The following URI1 variants were observed in gnomAD, a reference collection of about 807,000 sequenced individuals.
URI1 encodes URI1 prefoldin like chaperone, also known as unconventional prefoldin RPB5 interactor 1.
Under a neutral mutation model 60.2 loss-of-function variants are expected in URI1, and 39 were observed. The observed-to-expected ratio is 0.65, with a 90% CI of 0.50 to 0.85. URI1 has a LOEUF of 0.85. Among genes scored for constraint, URI1 ranks in the 40% least tolerant of loss-of-function variants. The pLI is 0.00. For synonymous variants in URI1, 251 were observed against 236.8 expected, an observed-to-expected ratio of 1.06 and a Z score of -0.55; for missense variants, 691 against 665.9, an observed-to-expected ratio of 1.04 and a Z score of -0.42.
intron 4 of URI1, chr19:30,004,676 A>G (rs769252523): frequency 5.9e-5 from 9 of 152,038 alleles, no homozygotes; most frequent in Non-Finnish European, 1.2e-4. Context: ...TATTTTTTAG[A>G]TGGTGCCATT....
chr19:29,968,508 A>G (rs535252174), intron 1 of URI1, among the ~76,000 whole-genome samples: 1 of 146,688 alleles, frequency 6.8e-6, no homozygotes, highest in South Asian at 2.2e-4. Flanking sequence ...AGGGAAAAAT[A>G]TTTGTTTTTA....
At chr19:29,984,575 G>A (rs571665264) in intron 2 of URI1, among the ~76,000 whole-genome samples, 118 of 152,208 alleles carry the variant, frequency 7.8e-4, no homozygotes, top group African/African-American at 2.8e-3. Context: ...CAAAATTTGA[G>A]TATTCTGCTT....
chr19:30,007,870 T>G (rs2055965161), intron 7 of URI1, among the ~76,000 whole-genome samples: 1 of 152,132 alleles, frequency 6.6e-6, no homozygotes, highest in South Asian at 2.1e-4. Context: ...CTTAAATACT[T>G]AAGATCAACA....
At chr19:29,981,191 T>C (rs376560737) in intron 2 of URI1, among the ~76,000 whole-genome samples, 1 of 152,108 alleles carries the variant, frequency 6.6e-6, no homozygotes, top group East Asian at 1.9e-4. Flanking sequence ...TTTAAAAATA[T>C]TCTATTATGA....
chr19:30,012,583 T>C, intron 10 of URI1, 52 bp downstream of exon 10: 1 of 1,564,950 alleles, frequency 6.4e-7, no homozygotes, highest in East Asian at 2.3e-5. Flanking sequence ...CTTTGACCAG[T>C]TTTAGCTATT....
At chr19:29,948,664 G>T (rs1470201385) in intron 1 of URI1, among the ~76,000 whole-genome samples, 2 of 152,162 alleles carry the variant, frequency 1.3e-5, no homozygotes, top group African/African-American at 4.8e-5. Context: ...TGGGGGTAAG[G>T]TTATAGATTA....
intron 1 of URI1, among the ~76,000 whole-genome samples, chr19:29,952,596 G>A (rs961670419): frequency 2.0e-5 from 3 of 151,768 alleles, no homozygotes; most frequent in African/African-American, 7.2e-5. Context: ...GTGTCTTCAG[G>A]GTTTTTTTCT....
chr19:29,950,122 A>G (rs2055161560), intron 1 of URI1, among the ~76,000 whole-genome samples: 1 of 152,246 alleles, frequency 6.6e-6, no homozygotes, highest in Non-Finnish European at 1.5e-5. Flanking sequence ...GTAATGTGCC[A>G]TAAGAAGAGA....
chr19:29,988,373 A>G (rs1040310133), intron 4 of URI1, among the ~76,000 whole-genome samples: 5 of 152,186 alleles, frequency 3.3e-5, no homozygotes, highest in Admixed American at 6.5e-5. Flanking sequence ...GGTCTGAGTT[A>G]CAACACGGGT....
intron 1 of URI1, among the ~76,000 whole-genome samples, chr19:29,928,558 G>A (rs987658275): frequency 6.6e-6 from 1 of 152,118 alleles, no homozygotes; most frequent in Non-Finnish European, 1.5e-5. Context: ...TGAAATCAGT[G>A]TGTCAGTCCC....
intron 1 of URI1, among the ~76,000 whole-genome samples, chr19:29,953,335 G>A (rs1229144676): frequency 6.6e-6 from 1 of 152,122 alleles, no homozygotes; most frequent in African/African-American, 2.4e-5. Context: ...ATTGGTCTGT[G>A]CTGATGAAGA....
chr19:29,997,372 T>C (rs2055825160), intron 4 of URI1, among the ~76,000 whole-genome samples: 1 of 152,178 alleles, frequency 6.6e-6, no homozygotes, highest in African/African-American at 2.4e-5. Flanking sequence ...TCCCATTAAT[T>C]TCTGTAATAG....
intron 1 of URI1, among the ~76,000 whole-genome samples, chr19:29,945,778 A>T (rs553956145): frequency 1.4e-4 from 22 of 152,316 alleles, no homozygotes; most frequent in African/African-American, 4.6e-4. Context: ...ATAAATATTT[A>T]CACATTTTAC....
At chr19:29,938,367 T>G (rs1189722305), upstream of URI1, among the ~76,000 whole-genome samples, 1 of 152,012 alleles carries the variant, frequency 6.6e-6, no homozygotes, top group Non-Finnish European at 1.5e-5. Flanking sequence ...CCAGGCTCTT[T>G]TAAACAACCA....
At chr19:29,926,369 T>A (rs2054868576) in intron 1 of URI1, among the ~76,000 whole-genome samples, 1 of 151,906 alleles carries the variant, frequency 6.6e-6, no homozygotes, top group Admixed American at 6.6e-5. Context: ...AGCCTCAACC[T>A]CCTGGGCTCA....
intron 1 of URI1, among the ~76,000 whole-genome samples, chr19:29,959,768 G>T (rs1191278355): frequency 1.3e-5 from 2 of 149,106 alleles, no homozygotes; most frequent in African/African-American, 2.5e-5. Context: ...TCTTCTTAAG[G>T]GTTTATCAAT....
intron 1 of URI1, among the ~76,000 whole-genome samples, chr19:29,944,262 AAAAG>A (rs973954277): frequency 5.5e-5 from 8 of 144,604 alleles, no homozygotes; most frequent in African/African-American, 2.0e-4. Flanking sequence ...GAAAGATAGA[AAAAG>A]AAGAAAGAAA....
chr19:29,957,646 A>G (rs2055266464), intron 1 of URI1, among the ~76,000 whole-genome samples: 1 of 152,094 alleles, frequency 6.6e-6, no homozygotes, highest in Non-Finnish European at 1.5e-5. Context: ...TTTTAGGATC[A>G]CCTTTCCAAT....
intron 1 of URI1, among the ~76,000 whole-genome samples, chr19:29,944,832 A>G (rs2055083439): frequency 6.6e-6 from 1 of 152,258 alleles, no homozygotes; most frequent in Admixed American, 6.5e-5. Context: ...AGGCCACAAA[A>G]TAAACTGATT....
Sources: gnomAD v4.1 joint callset for allele counts (sites outside exome capture counted in the v4.1 genomes callset) on GRCh38, gnomAD v4.1.1 for gene constraint, MANE v1.5 for transcripts, NCBI Gene and HGNC (gene_info 2026-07-23, HGNC 2026-07-21) for gene names.